DIAPH2: variants seen among roughly 807,000 people sequenced by gnomAD.
DIAPH2 encodes protein diaphanous homolog 2.
Under a neutral mutation model 92.7 loss-of-function variants are expected in DIAPH2, and 35 were observed. That is an observed-to-expected ratio of 0.38 (90% CI 0.29 to 0.50). The LOEUF (loss-of-function observed/expected upper bound fraction) is 0.50, where lower values mean the gene tolerates loss of function less well. Ranked by LOEUF, DIAPH2 falls within the 20% of genes least tolerant of loss-of-function variation. The pLI, the probability that DIAPH2 is intolerant of heterozygous loss-of-function variation, is 0.94. For synonymous variants in DIAPH2, 301 were observed against 280.4 expected (o/e 1.07, Z -0.73); for missense variants, 701 against 819.5 (o/e 0.86, Z 1.77).
chrX:97,053,066 T>C (rs1223279687), intron 17 of DIAPH2, among the ~76,000 whole-genome samples: 1 of 111,293 alleles, frequency 9.0e-6, no homozygotes, highest in Non-Finnish European at 1.9e-5. Context: ...AGCAAGTTTA[T>C]TTCTAATTTA....
intron 22 of DIAPH2, among the ~76,000 whole-genome samples, chrX:97,215,118 T>C (rs1245925677): frequency 9.0e-6 from 1 of 111,422 alleles, no homozygotes; most frequent in Non-Finnish European, 1.9e-5. Flanking sequence ...TTTTGTTTGG[T>C]TTTTAATAAC....
intron 19 of DIAPH2, among the ~76,000 whole-genome samples, chrX:97,082,798 A>G (rs889732343): frequency 8.9e-6 from 1 of 111,808 alleles, no homozygotes; most frequent in Non-Finnish European, 1.9e-5. Context: ...GACAAAAAGC[A>G]TTAGACACTT....
intron 26 of DIAPH2, among the ~76,000 whole-genome samples, chrX:97,514,825 G>T (rs1413168322): frequency 9.0e-6 from 1 of 111,201 alleles, no homozygotes; most frequent in Non-Finnish European, 1.9e-5. Context: ...GCTGCTCGGG[G>T]GTCAGAGGTC....
chrX:97,156,705 AT>A (rs1191451531), intron 22 of DIAPH2, among the ~76,000 whole-genome samples: 1 of 111,625 alleles, frequency 9.0e-6, no homozygotes, highest in Non-Finnish European at 1.9e-5. Flanking sequence ...GGGGAGAAAA[AT>A]TGCAAAAACA....
At chrX:96,948,180 C>T (rs2147808923) in intron 14 of DIAPH2, among the ~76,000 whole-genome samples, 1 of 112,512 alleles carries the variant, frequency 8.9e-6, no homozygotes, top group Admixed American at 9.4e-5. Context: ...TTTGAGCATT[C>T]TAAAAGTGCA....
chrX:97,453,827 A>C (rs1256755817), intron 26 of DIAPH2, among the ~76,000 whole-genome samples: 5 of 111,728 alleles, frequency 4.5e-5, no homozygotes, highest in African/African-American at 1.6e-4. Context: ...AGCAGAAATA[A>C]ATTTAAACGA....
At chrX:97,253,674 C>T (rs189521098) in intron 23 of DIAPH2, among the ~76,000 whole-genome samples, 1,477 of 110,824 alleles carry the variant, frequency 0.013, 35 homozygotes, top group African/African-American at 0.046. Flanking sequence ...CGCTTGAACC[C>T]GGGCAGCAGA....
chrX:97,070,386 C>G (rs1474481694), intron 17 of DIAPH2, among the ~76,000 whole-genome samples: 1 of 111,513 alleles, frequency 9.0e-6, no homozygotes, highest in Non-Finnish European at 1.9e-5. Context: ...GTTTTGTAAC[C>G]ATTAGAAACA....
At chrX:97,078,409 T>C (rs898198278) in intron 19 of DIAPH2, among the ~76,000 whole-genome samples, 3 of 111,755 alleles carry the variant, frequency 2.7e-5, no homozygotes, top group African/African-American at 9.7e-5. Flanking sequence ...GAATATTACA[T>C]CTTTATTTTC....
In DIAPH2 at chrX:97,473,851, T is replaced by G. The variant is rs148237373; in HGVS notation, c.3241+44106T>G. Among the ~76,000 whole-genome samples the G allele has an allele frequency of 8.3e-3, 922 of 111,314 alleles. 16 individuals are homozygous for G. Among genetic ancestry groups the G allele is most frequent in the African/African-American group, 0.028 (873 of 30,660 alleles). ...ACCAGGTTCCTGTAGTCCCAGCTAC[T>G]CAGGAGGCTGAGGCAGGAAAATCAC... On this transcript the variant is annotated intron_variant, in intron 26 of 26. Coordinates refer to ENST00000324765, the MANE Select transcript of DIAPH2 (RefSeq NM_006729.5).
At chrX:97,315,324 C>T (rs916620275) in intron 23 of DIAPH2, among the ~76,000 whole-genome samples, 1 of 111,803 alleles carries the variant, frequency 8.9e-6, no homozygotes, top group African/African-American at 3.2e-5. Context: ...AACAACAAAA[C>T]AAAACAAGTA....
intron 22 of DIAPH2, among the ~76,000 whole-genome samples, chrX:97,174,083 A>AT (rs2067474596): frequency 2.1e-5 from 1 of 46,532 alleles, no homozygotes; most frequent in Non-Finnish European, 8.7e-5. Context: ...ATATAATTAT[A>AT]ATATATAAAA....
At position 96,945,571 on chromosome X, in the gene DIAPH2, G is replaced by A; in HGVS notation, c.1489G>A (p.Ala497Thr). The A allele has an allele frequency of 1.7e-6, 2 of 1,157,093 alleles. No homozygotes were observed. The highest frequency in any genetic ancestry group is 2.3e-6 in the Non-Finnish European group (2 of 874,811). Reference sequence around the variant, plus strand: ...GAAAGTTGAAGAAAGTGAACAAAAAGCTGCAGAGTTTTCAAAGAAGGTAAG... The same window carrying A: ...GAAAGTTGAAGAAAGTGAACAAAAAACTGCAGAGTTTTCAAAGAAGGTAAG... The part of the protein sequence containing the change: ...KAKVEESEQK[A>T]AEFSKKFDEE... The change falls in exon 14 of 27, where the codon GCT becomes ACT. Residue 497 changes from alanine to threonine, a missense_variant. By Grantham distance (58) the Ala-to-Thr change is moderately conservative (BLOSUM62 0). Around this residue, in one of 3 missense-constraint regions of DIAPH2, gnomAD observed 536 missense variants for 599.3 expected, o/e 0.89. Coordinates refer to ENST00000324765, the MANE Select transcript of DIAPH2 (RefSeq NM_006729.5).
chrX:97,051,298 AT>A (rs1457057129), intron 17 of DIAPH2, among the ~76,000 whole-genome samples: 1 of 110,442 alleles, frequency 9.1e-6, no homozygotes, highest in Admixed American at 9.7e-5. Context: ...TATAGTTTGC[AT>A]TTTTTCCAGG....
At chrX:97,233,804 A>G (rs923992696) in intron 22 of DIAPH2, among the ~76,000 whole-genome samples, 7 of 111,872 alleles carry the variant, frequency 6.3e-5, no homozygotes, top group African/African-American at 2.3e-4. Context: ...GGGATTTACA[A>G]AATAAATTTT....
chrX:96,963,221 G>A (rs1483412860), intron 16 of DIAPH2, among the ~76,000 whole-genome samples: 1 of 111,511 alleles, frequency 9.0e-6, no homozygotes, highest in Admixed American at 9.5e-5. Context: ...TTCCTGGGAT[G>A]TAGGACACCT....
At chrX:97,470,514 C>T (rs1056498019) in intron 26 of DIAPH2, among the ~76,000 whole-genome samples, 2 of 110,562 alleles carry the variant, frequency 1.8e-5, no homozygotes, top group African/African-American at 6.6e-5. Flanking sequence ...TTTACATATT[C>T]GTATTCTACT....
chrX:97,464,288 C>T (rs1454514076), intron 26 of DIAPH2, among the ~76,000 whole-genome samples: 2 of 75,384 alleles, frequency 2.7e-5, no homozygotes, highest in Non-Finnish European at 4.8e-5. Context: ...GGTGAAACCC[C>T]ATCTCTACTA....
At chrX:96,944,046 T>A (rs1272951447) in intron 13 of DIAPH2, among the ~76,000 whole-genome samples, 2 of 112,087 alleles carry the variant, frequency 1.8e-5, no homozygotes, top group African/African-American at 6.5e-5. Context: ...AACACACATA[T>A]GTTCATGTAC....
Sources: gnomAD v4.1 joint callset for allele counts (sites outside exome capture counted in the v4.1 genomes callset) on GRCh38, gnomAD v4.1.1 for gene constraint, gnomAD v4.1.1 regional missense constraint, MANE v1.5 for transcripts, NCBI Gene and HGNC (gene_info 2026-07-23, HGNC 2026-07-21) for gene names.